The following ADGB variants were observed in gnomAD, a reference collection of about 807,000 sequenced individuals.
ADGB encodes calpain-7-like protein.
A neutral mutation model predicts 210.5 loss-of-function variants in ADGB; 172 were observed. The observed-to-expected ratio is 0.82, with a 90% CI of 0.72 to 0.93. The LOEUF is 0.93. Among genes scored for constraint, ADGB ranks in the 40% least tolerant of loss-of-function variants. The pLI is 0.00. For synonymous variants in ADGB, 658 were observed against 662.7 expected, an observed-to-expected ratio of 0.99 and a Z score of 0.11; for missense variants, 2,025 against 1,964.8, an observed-to-expected ratio of 1.03 and a Z score of -0.58.
intron 26 of ADGB, among the ~76,000 whole-genome samples, chr6:146,747,881 C>A (rs1226168095): frequency 6.7e-6 from 1 of 150,236 alleles, no homozygotes; most frequent in Non-Finnish European, 1.5e-5. Context: ...CTCCCGGGTT[C>A]AAGTGATTCT....
At chr6:146,691,366 T>C in intron 11 of ADGB, 76 bp downstream of exon 11, 1 of 1,182,456 alleles carries the variant, frequency 8.5e-7, no homozygotes, top group Non-Finnish European at 1.1e-6. Context: ...GTGAAAGATG[T>C]ATGTCAAGGT....
intron 13 of ADGB, among the ~76,000 whole-genome samples, chr6:146,709,451 G>A (rs970736458): frequency 1.3e-5 from 2 of 152,178 alleles, no homozygotes; most frequent in African/African-American, 4.8e-5. Context: ...CCTTGAACAG[G>A]CTGGTCTAGT....
At chr6:146,736,695 A>G in intron 23 of ADGB, 104 bp downstream of exon 23, 1 of 606,352 alleles carries the variant, frequency 1.6e-6, no homozygotes, top group South Asian at 2.9e-5. Context: ...CACTGCAGCT[A>G]GAACCACACC....
intron 22 of ADGB, among the ~76,000 whole-genome samples, chr6:146,735,395 A>AAG (rs143895337): frequency 0.046 from 6,916 of 151,842 alleles, 363 homozygotes; most frequent in African/African-American, 0.13. Context: ...ACATTCATGA[A>AAG]AGAGAGAGAG....
At chr6:146,778,055 C>T (rs1430133417) in intron 29 of ADGB, among the ~76,000 whole-genome samples, 10 of 152,284 alleles carry the variant, frequency 6.6e-5, no homozygotes, top group Non-Finnish European at 1.2e-4. Flanking sequence ...TCTGGCAGCA[C>T]GAGGTGAAAA....
At chr6:146,642,074 C>T (rs1413913625) in intron 2 of ADGB, among the ~76,000 whole-genome samples, 1 of 151,904 alleles carries the variant, frequency 6.6e-6, no homozygotes, top group African/African-American at 2.4e-5. Flanking sequence ...AACAAACAAC[C>T]ACATTTAAAA....
chr6:146,729,083 G>A (rs1234472609), intron 20 of ADGB, among the ~76,000 whole-genome samples: 1 of 152,162 alleles, frequency 6.6e-6, no homozygotes, highest in Non-Finnish European at 1.5e-5. Context: ...CCACTGTTAG[G>A]TGGTTGCTCT....
intron 27 of ADGB, among the ~76,000 whole-genome samples, chr6:146,758,920 A>T (rs1323546602): frequency 1.3e-5 from 2 of 152,006 alleles, no homozygotes; most frequent in Non-Finnish European, 2.9e-5. Context: ...TGTACATTAG[A>T]TAATTTCTTC....
At chr6:146,696,721 T>G (rs922122936) in intron 12 of ADGB, among the ~76,000 whole-genome samples, 4 of 152,166 alleles carry the variant, frequency 2.6e-5, no homozygotes, top group Non-Finnish European at 4.4e-5. Flanking sequence ...ATTATGTTCC[T>G]AAAAGGAGTA....
At chr6:146,798,053 G>A (rs1583644045) in intron 33 of ADGB, among the ~76,000 whole-genome samples, 1 of 150,618 alleles carries the variant, frequency 6.6e-6, no homozygotes, top group African/African-American at 2.4e-5. Flanking sequence ...AGAAAACAAA[G>A]GAAATAAAGA....
In ADGB at chr6:146,733,054, T is replaced by A. The variant is rs1462882893; in HGVS notation, c.2521-66T>A. On this transcript the variant is annotated intron_variant, in intron 20 of 35. Transcript: ENST00000397944. ...TTTTTATTTTTAGAGTATCTAAAAA[T>A]TTTTTAGAGCTTCTCTGGCCAGATG... is the stretch of plus-strand genomic sequence containing the variant. 4 of 1,213,932 alleles carry A rather than the reference T, an allele frequency of 3.3e-6. No homozygotes were observed. In the East Asian group the frequency reaches 1.2e-4, roughly 35 times the overall value. 75.2% of individuals were successfully genotyped at this position (1,213,932 alleles called of 1,614,324 possible).
At chr6:146,747,783 A>ATTTT (rs66842165) in intron 26 of ADGB, among the ~76,000 whole-genome samples, 1 of 140,986 alleles carries the variant, frequency 7.1e-6, no homozygotes, top group African/African-American at 2.6e-5. Flanking sequence ...ATATATATGT[A>ATTTT]TTTTTTTTTT....
At chr6:146,733,393 CA>C in intron 21 of ADGB, 138 bp downstream of exon 21, 1 of 797,490 alleles carries the variant, frequency 1.3e-6, no homozygotes, top group Non-Finnish European at 1.8e-6. Context: ...TCTAAGAGCT[CA>C]AGGGGCTCCA....
At chr6:146,769,742 G>C (rs1777625633) in intron 29 of ADGB, among the ~76,000 whole-genome samples, 1 of 152,062 alleles carries the variant, frequency 6.6e-6, no homozygotes, top group African/African-American at 2.4e-5. Flanking sequence ...AAGCTAGATT[G>C]CCTAATCATA....
intron 1 of ADGB, among the ~76,000 whole-genome samples, chr6:146,626,273 G>C (rs141591176): frequency 6.6e-6 from 1 of 151,858 alleles, no homozygotes; most frequent in East Asian, 1.9e-4. Context: ...TACATCATCC[G>C]TTTATGTAAG....
intron 19 of ADGB, 143 bp downstream of exon 19, chr6:146,726,340 A>G (rs1776894654): frequency 3.9e-6 from 2 of 515,352 alleles, no homozygotes; most frequent in African/African-American, 3.8e-5. Context: ...TCCTTGCCTC[A>G]GCCCCCCAAG....
chr6:146,782,010 GTC>G lies in ADGB; in HGVS notation c.3863-4_3863-3del. ...ATGACTCACCATTTTTTATTTTTATGTCTCTCTAGCTTATGGTGAAAGACACG... is the reference window on the plus strand; with the variant it reads ...ATGACTCACCATTTTTTATTTTTATGTCTCTAGCTTATGGTGAAAGACACG... On this transcript the variant is annotated splice_polypyrimidine_tract_variant and splice_region_variant and intron_variant, in intron 29 of 35. Coordinates refer to ENST00000397944, the MANE Select transcript of ADGB (RefSeq NM_024694.4). 6 of 1,435,664 alleles carry G rather than the reference GTC, an allele frequency of 4.2e-6. No individual in the cohort carries two copies. Among genetic ancestry groups the G allele is most frequent in the Non-Finnish European group, 5.5e-6 (6 of 1,096,492 alleles). The allele number at this position is 1,435,664 out of a possible 1,614,324, so 88.9% of individuals were successfully genotyped here.
At chr6:146,726,023 C>T (rs1776889782) in intron 18 of ADGB, 60 bp from the exon 19 acceptor site, 4 of 1,079,426 alleles carry the variant, frequency 3.7e-6, no homozygotes, top group Non-Finnish European at 5.4e-6. Flanking sequence ...AAGCAACTCA[C>T]AGGTCAAATG....
At chr6:146,602,869 A>G (rs1780579983) in intron 1 of ADGB, among the ~76,000 whole-genome samples, 1 of 152,218 alleles carries the variant, frequency 6.6e-6, no homozygotes, top group Non-Finnish European at 1.5e-5. Context: ...GATCTTTACA[A>G]GAATCTAATG....
Sources: allele counts gnomAD v4.1 joint callset (sites outside exome capture counted in the v4.1 genomes callset), GRCh38; gene constraint gnomAD v4.1.1; transcripts MANE v1.5; gene names NCBI Gene and HGNC (gene_info 2026-07-23, HGNC 2026-07-21).